The following USP40 variants were observed in gnomAD, a reference collection of about 807,000 sequenced individuals.
USP40 encodes the protein ubiquitin specific peptidase 40.
In USP40, 143 loss-of-function variants were observed where a neutral mutation model predicts 166.2. The ratio of observed to expected loss-of-function variants is 0.86; its 90% CI spans 0.75 to 0.99. The LOEUF is 0.99. USP40 is among the 50% of genes least tolerant of loss of function. USP40 has a pLI of 0.00. For missense variants in USP40, 1,444 were observed against 1,479.7 expected, an observed-to-expected ratio of 0.98 and a Z score of 0.40; for synonymous variants, 498 against 524.0, an observed-to-expected ratio of 0.95 and a Z score of 0.68.
At position 233,524,566 on chromosome 2, in the gene USP40, G is replaced by C; in HGVS notation, c.1811-4C>G. The C allele has an allele frequency of 6.3e-7, 1 of 1,590,990 alleles. No individual in the cohort carries two copies. The highest frequency in any genetic ancestry group is 8.6e-7 in the Non-Finnish European group (1 of 1,169,362). On this transcript the variant is annotated splice_polypyrimidine_tract_variant and splice_region_variant and intron_variant, in intron 14 of 31. Transcript: ENST00000678225. ...TCACACAGTGTCAGTTCATCCCCTA[G>C]AAAGAGATCACCAGTGAGACCATTC...
At chr2:233,516,527 C>T (rs2067208717) in intron 18 of USP40, among the ~76,000 whole-genome samples, 1 of 151,830 alleles carries the variant, frequency 6.6e-6, no homozygotes, top group Non-Finnish European at 1.5e-5. Flanking sequence ...GAAACCCTGT[C>T]TCCACTAAAA....
intron 30 of USP40, among the ~76,000 whole-genome samples, chr2:233,482,659 C>G (rs929715624): frequency 3.3e-4 from 49 of 149,550 alleles, no homozygotes; most frequent in African/African-American, 1.0e-3. Context: ...GGCATGATCT[C>G]AGCTCACTAC....
chr2:233,525,561 A>C lies in USP40; in HGVS notation c.1727T>G (p.Leu576Arg). 6.2e-7 allele frequency: 1 copy of C among 1,610,692 alleles called. No homozygotes were observed. Among genetic ancestry groups the C allele is most frequent in the Non-Finnish European group, 8.5e-7 (1 of 1,177,170 alleles). Residue 576 changes from leucine (L) to arginine (R), a missense_variant and splice_region_variant, in exon 14 of 32, where the codon CTG becomes CGG. By Grantham distance (102) the Leu-to-Arg change is moderately radical. Coordinates refer to ENST00000678225, the MANE Select transcript of USP40 (RefSeq NM_001365479.2). ...CATGTCTCCTTCCCAAAATTCTAAC[A>C]GCTGAAGAATATTAATGAAGGAAAA... ...LGDLRQSIFQ[L>R]LEFWEGDMVL...
At position 233,540,838 on chromosome 2, in the gene USP40, G is replaced by C. The variant is rs2125312003; in HGVS notation, c.1063-69C>G. ...TAATTGCATACTTAACAAATTCAAAGAGACCAACAGGATTATACCTAATTA... is the reference window on the plus strand; with the variant it reads ...TAATTGCATACTTAACAAATTCAAACAGACCAACAGGATTATACCTAATTA... On this transcript the variant is annotated intron_variant, in intron 9 of 31. Coordinates refer to ENST00000678225, the MANE Select transcript of USP40 (RefSeq NM_001365479.2). 4 of 1,099,162 alleles carry C rather than the reference G, an allele frequency of 3.6e-6. No individual in the cohort carries two copies. The East Asian group carries it at 7.2e-5, about 20-fold the overall frequency. 68.1% of individuals were successfully genotyped at this position (1,099,162 alleles called of 1,614,324 possible). A position where few individuals can be genotyped will look rare whatever the true frequency, so the allele number is the denominator to read the frequency against.
At chr2:233,484,730 A>T (rs185536232) in intron 30 of USP40, among the ~76,000 whole-genome samples, 1 of 152,270 alleles carries the variant, frequency 6.6e-6, no homozygotes, top group East Asian at 1.9e-4. Context: ...TGATCCACCC[A>T]TCTCAGCCTC....
rs1290477523 is a variant in USP40, at chr2:233,519,543, C to T, written c.2383+71G>A. On this transcript the variant is annotated intron_variant, in intron 18 of 31. Transcript: ENST00000678225. ...CTCCCTAAACTGTTTTTTGTATTCT[C>T]CTATATTTTCTTCAATTCAAGACCA... 4 of 988,406 alleles carry T rather than the reference C, an allele frequency of 4.0e-6. No homozygotes were observed. The South Asian group carries it at 4.4e-5, about 11-fold the overall frequency. 61.2% of individuals were successfully genotyped at this position (988,406 alleles called of 1,614,324 possible). A position where few individuals can be genotyped will look rare whatever the true frequency, so the allele number is the denominator to read the frequency against.
chr2:233,516,817 C>G (rs2067232394), intron 18 of USP40, among the ~76,000 whole-genome samples: 1 of 151,142 alleles, frequency 6.6e-6, no homozygotes, highest in South Asian at 2.1e-4. Flanking sequence ...AGATTGCTGC[C>G]CTGTACTCCA....
chr2:233,522,846 C>T (rs993638451), intron 16 of USP40, among the ~76,000 whole-genome samples: 1 of 152,200 alleles, frequency 6.6e-6, no homozygotes, highest in African/African-American at 2.4e-5. Context: ...GAATTTCCTT[C>T]GGTTTTATAA....
chr2:233,493,463 G>A lies in USP40; in HGVS notation c.2879C>T (p.Ser960Leu), dbSNP rs1005588256. 12 of 1,613,822 alleles carry A rather than the reference G, an allele frequency of 7.4e-6. No homozygotes were observed. The highest frequency in any genetic ancestry group is 2.2e-5 in the East Asian group (1 of 44,888). Reference protein sequence around the residue: ...ESHQDQTNCTSSWGRVWRATS... With the variant: ...ESHQDQTNCTLSWGRVWRATS... ...GGCTCTCCAAACTCTGCCCCAAGAC[G>A]AAGTACAGTTGGTCTGGTCCTGATG... The change falls in exon 25 of 32, where the codon TCG becomes TTG. Residue 960 changes from serine (S) to leucine (L), a missense_variant. By Grantham distance (145) the Ser-to-Leu change is moderately radical (BLOSUM62 -2). Transcript: ENST00000678225. The surrounding 1 kb of genome is among the most constrained non-coding windows in gnomAD (Gnocchi z 4.7).
At chr2:233,507,402 G>A (rs1165452207) in intron 21 of USP40, among the ~76,000 whole-genome samples, 3 of 152,040 alleles carry the variant, frequency 2.0e-5, no homozygotes, top group Non-Finnish European at 1.5e-5. Context: ...ATTTACAATC[G>A]CCAAGATATC....
In USP40 at chr2:233,519,666, C is replaced by A. The variant is rs1357828612; in HGVS notation, c.2331G>T (p.Val777=). The change falls in exon 18 of 32, where the codon GTG becomes GTT. Residue 777 remains valine (V), a synonymous_variant. Coordinates refer to ENST00000678225, the MANE Select transcript of USP40 (RefSeq NM_001365479.2). The part of the protein sequence containing the change: ...VKISATVNTM[V]FDIRIKAIKE... ...TTATGGCTTTAATTCGAATATCAAA[C>A]ACCATCTAAAACAGAGAAATAAAAT... 2 of 1,413,202 alleles carry A rather than the reference C, an allele frequency of 1.4e-6. No individual in the cohort carries two copies. The highest frequency in any genetic ancestry group is 1.9e-6 in the Non-Finnish European group (2 of 1,030,086). The allele number at this position is 1,413,202 out of a possible 1,614,324, so 87.5% of individuals were successfully genotyped here. A position where few individuals can be genotyped will look rare whatever the true frequency, so the allele number is the denominator to read the frequency against.
intron 31 of USP40, 106 bp downstream of exon 31, chr2:233,481,097 T>A (rs1382291421): frequency 8.2e-6 from 9 of 1,100,370 alleles, no homozygotes; most frequent in African/African-American, 1.6e-5. Context: ...TTGTGTGCAC[T>A]CTGAATCAAC....
rs1344382 is a variant in USP40 at position 233,491,216 on chromosome 2, C to A, written c.2963G>T (p.Gly988Val). The A allele has an allele frequency of 1.1e-5, 18 of 1,612,104 alleles. No homozygotes were observed. Among genetic ancestry groups the A allele is most frequent in the Non-Finnish European group, 1.5e-5 (18 of 1,179,182 alleles). The change falls in exon 26 of 32, where the codon GGA (glycine) becomes GTA (valine). Residue 988 changes from glycine (G) to valine (V), a missense_variant. Physicochemically the swap from Gly to Val is moderately radical, Grantham distance 109 (BLOSUM62 -3). Transcript: ENST00000678225. ...GGCATCTTCTGAGATCTCTATGTCT[C>A]CCAAGTAGAGGAGAGAAACTTGCGC... The part of the protein sequence containing the change: ...EPAQVSLLYL[G>V]DIEISEDATL...
chr2:233,532,776 TA>T (rs1056061518), intron 11 of USP40, among the ~76,000 whole-genome samples: 4 of 151,836 alleles, frequency 2.6e-5, no homozygotes, highest in Non-Finnish European at 4.4e-5. Context: ...ACCCTGTCTC[TA>T]AAAAAATGAA....
chr2:233,542,293 A>T lies in USP40; in HGVS notation c.1037T>A (p.Met346Lys), dbSNP rs750364079. 9.6e-6 allele frequency: 15 copies of T among 1,556,258 alleles called. No homozygotes were observed. The highest frequency in any genetic ancestry group is 1.3e-5 in the Non-Finnish European group (15 of 1,151,208). ...QSEEEIDHPL[M>K]ILKAILLEEE... is the part of the protein sequence containing the mutation. ...CTCTAATAAGATTGCTTTTAGAATC[A>T]TCAGTGGATGATCAATCTCTTCTTC... Residue 346 changes from methionine to lysine, a missense_variant, in exon 9 of 32, where the codon ATG (methionine) becomes AAG (lysine). Physicochemically the swap from Met to Lys is moderately conservative, Grantham distance 95. Transcript: ENST00000678225.
chr2:233,526,610 G>T (rs2068051720), intron 13 of USP40, among the ~76,000 whole-genome samples: 1 of 151,998 alleles, frequency 6.6e-6, no homozygotes, highest in African/African-American at 2.4e-5. Context: ...TAATTTCTGG[G>T]AAAAAACACA....
At chr2:233,529,776 C>A (rs1421173008) in intron 11 of USP40, among the ~76,000 whole-genome samples, 2 of 150,954 alleles carry the variant, frequency 1.3e-5, no homozygotes, top group Non-Finnish European at 3.0e-5. Flanking sequence ...TTAAAAAGAA[C>A]ACCCAGATTT....
At chr2:233,507,681 T>TGAG (rs1166986664) in intron 21 of USP40, among the ~76,000 whole-genome samples, 1 of 149,884 alleles carries the variant, frequency 6.7e-6, no homozygotes, top group Non-Finnish European at 1.5e-5. Context: ...TACTAGTGAC[T>TGAG]GAGGGGGAGA....
At chr2:233,550,318 T>C (rs1176030667) in intron 7 of USP40, among the ~76,000 whole-genome samples, 2 of 152,176 alleles carry the variant, frequency 1.3e-5, no homozygotes, top group African/African-American at 4.8e-5. Flanking sequence ...GTGCTCAATT[T>C]CTTCAATTAT....
Sources: allele counts gnomAD v4.1 joint callset (sites outside exome capture counted in the v4.1 genomes callset), GRCh38; gene constraint gnomAD v4.1.1; non-coding constraint Gnocchi (gnomAD v3.1); transcripts MANE v1.5; gene names NCBI Gene and HGNC (gene_info 2026-07-23, HGNC 2026-07-21).